Variants in WWOX observed in about 807,000 individuals in gnomAD.
WWOX encodes the protein WW domain containing oxidoreductase.
WWOX carries 69 observed loss-of-function variants against 46.2 expected under a neutral mutation model. The ratio of observed to expected loss-of-function variants is 1.49; its 90% CI spans 1.23 to 1.82. The LOEUF is 1.82. Among genes scored for constraint, WWOX ranks in the 40% most tolerant of loss-of-function variants. The probability of loss-of-function intolerance (pLI) is 0.00; values close to 1 mark genes in which losing one functional copy is unlikely to be tolerated. For missense variants in WWOX, 919 were observed against 542.6 expected, an observed-to-expected ratio of 1.69 and a Z score of -6.89; for synonymous variants, 359 against 202.6, an observed-to-expected ratio of 1.77 and a Z score of -6.56.
intron 8 of WWOX, among the ~76,000 whole-genome samples, chr16:78,709,262 G>A (rs2048388282): frequency 6.6e-6 from 1 of 152,180 alleles, no homozygotes; most frequent in Non-Finnish European, 1.5e-5. Context: ...ATCTCTGCCT[G>A]CGGGAGACAA....
intron 8 of WWOX, among the ~76,000 whole-genome samples, chr16:78,619,709 A>T (rs950276004): frequency 6.6e-6 from 1 of 152,036 alleles, no homozygotes; most frequent in African/African-American, 2.4e-5. Flanking sequence ...ATTGGAGACC[A>T]GCCTGGGCAA....
intron 8 of WWOX, among the ~76,000 whole-genome samples, chr16:78,437,495 A>G (rs1204102800): frequency 6.6e-6 from 1 of 152,214 alleles, no homozygotes; most frequent in Non-Finnish European, 1.5e-5. Flanking sequence ...CTGCAATATA[A>G]TAATCACTAA....
intron 5 of WWOX, among the ~76,000 whole-genome samples, chr16:78,171,278 A>G (rs11644126): frequency 0.083 from 12,599 of 152,066 alleles, 578 homozygotes; most frequent in Non-Finnish European, 0.094. Flanking sequence ...TGAGGAGTAA[A>G]TTGCTCGCAC....
chr16:78,615,011 C>T (rs893025108), intron 8 of WWOX, among the ~76,000 whole-genome samples: 13 of 152,274 alleles, frequency 8.5e-5, no homozygotes, highest in African/African-American at 3.1e-4. Flanking sequence ...AGCTCCCTCC[C>T]TAATCTTGCT....
At chr16:78,732,116 G>C (rs144753913) in intron 8 of WWOX, among the ~76,000 whole-genome samples, 13 of 152,096 alleles carry the variant, frequency 8.5e-5, no homozygotes, top group Admixed American at 2.0e-4. Flanking sequence ...CTCCTGCCGT[G>C]GTCTCCAAAA....
intron 8 of WWOX, among the ~76,000 whole-genome samples, chr16:79,098,434 A>G (rs1331171109): frequency 6.6e-6 from 1 of 152,220 alleles, no homozygotes; most frequent in Non-Finnish European, 1.5e-5. Flanking sequence ...AGGGGTCACC[A>G]TGGGCAAAGG....
chr16:78,624,319 C>G (rs2046259863), intron 8 of WWOX, among the ~76,000 whole-genome samples: 2 of 150,668 alleles, frequency 1.3e-5, no homozygotes, highest in Non-Finnish European at 2.9e-5. Context: ...TGCAAAGTTT[C>G]TCTGCCTCCT....
chr16:78,536,052 G>GT (rs1377310595), intron 8 of WWOX, among the ~76,000 whole-genome samples: 3 of 152,146 alleles, frequency 2.0e-5, no homozygotes, highest in Non-Finnish European at 4.4e-5. Context: ...TTGTTCAGAA[G>GT]TTTACAGCTA....
chr16:79,031,212 T>A lies in WWOX; in HGVS notation c.1057-180396T>A, dbSNP rs139201503. Among the ~76,000 whole-genome samples the A allele has an allele frequency of 1.3e-3, 204 of 152,226 alleles. 1 individual carries two copies. Among genetic ancestry groups the A allele is most frequent in the African/African-American group, 4.5e-3 (188 of 41,542 alleles). ...CCCCCTTCTTGAGGGTGTTTAGGGA[T>A]TAGATGAGTGTCCCATCTGGGTTTC... On this transcript the variant is annotated intron_variant, in intron 8 of 8. Transcript: ENST00000566780.
chr16:78,937,195 G>A (rs1236427164), intron 8 of WWOX, among the ~76,000 whole-genome samples: 1 of 152,068 alleles, frequency 6.6e-6, no homozygotes, highest in African/African-American at 2.4e-5. Flanking sequence ...TTTTGGAGAG[G>A]GGAGCAGAGC....
intron 8 of WWOX, among the ~76,000 whole-genome samples, chr16:79,124,583 C>G (rs991463812): frequency 1.3e-5 from 2 of 152,096 alleles, no homozygotes; most frequent in African/African-American, 4.8e-5. Context: ...GGCCCTGTCC[C>G]AGCCATAGAA....
At chr16:78,930,946 C>G (rs1280881462) in intron 8 of WWOX, among the ~76,000 whole-genome samples, 3 of 152,150 alleles carry the variant, frequency 2.0e-5, no homozygotes, top group African/African-American at 4.8e-5. Context: ...AACTAGTACC[C>G]TTATGAACCT....
At chr16:78,638,121 C>T (rs969667127) in intron 8 of WWOX, among the ~76,000 whole-genome samples, 1 of 152,136 alleles carries the variant, frequency 6.6e-6, no homozygotes, top group African/African-American at 2.4e-5. Context: ...AATAACTGCC[C>T]AATATCAGGC....
At chr16:78,164,820 C>G (rs927837281) in intron 5 of WWOX, among the ~76,000 whole-genome samples, 3 of 152,168 alleles carry the variant, frequency 2.0e-5, no homozygotes, top group Non-Finnish European at 4.4e-5. Context: ...AGACCATAAT[C>G]AAGTTTAATA....
At chr16:79,033,066 C>T (rs2047796385) in intron 8 of WWOX, among the ~76,000 whole-genome samples, 1 of 150,678 alleles carries the variant, frequency 6.6e-6, no homozygotes, top group Non-Finnish European at 1.5e-5. Context: ...TAATGGCCTC[C>T]AGCTCCATCC....
At chr16:78,526,831 G>T (rs1444913748) in intron 8 of WWOX, among the ~76,000 whole-genome samples, 1 of 152,190 alleles carries the variant, frequency 6.6e-6, no homozygotes, top group Non-Finnish European at 1.5e-5. Flanking sequence ...AGGGGGGTCT[G>T]GGAGGGAGGA....
At chr16:78,644,554 C>G (rs1478540515) in intron 8 of WWOX, among the ~76,000 whole-genome samples, 1 of 152,020 alleles carries the variant, frequency 6.6e-6, no homozygotes, top group Non-Finnish European at 1.5e-5. Flanking sequence ...CTCCGCCTAC[C>G]AGGTTCAAAT....
At chr16:78,869,493 A>C (rs572649791) in intron 8 of WWOX, among the ~76,000 whole-genome samples, 20 of 152,362 alleles carry the variant, frequency 1.3e-4, no homozygotes, top group Admixed American at 9.1e-4. Context: ...CTCATCCGGT[A>C]ACAATTTAGA....
At chr16:78,564,369 C>T (rs2044512746) in intron 8 of WWOX, among the ~76,000 whole-genome samples, 1 of 152,154 alleles carries the variant, frequency 6.6e-6, no homozygotes, top group African/African-American at 2.4e-5. Context: ...GGTGAGTGAA[C>T]CCTCGCTGAT....
Sources: gnomAD v4.1 joint callset for allele counts (sites outside exome capture counted in the v4.1 genomes callset) on GRCh38, gnomAD v4.1.1 for gene constraint, MANE v1.5 for transcripts, NCBI Gene and HGNC (gene_info 2026-07-23, HGNC 2026-07-21) for gene names.